The following KCNQ5 variants were observed in gnomAD, a reference collection of about 807,000 sequenced individuals.
The protein encoded by KCNQ5 is potassium voltage-gated channel subfamily Q member 5.
Under a neutral mutation model 98.2 loss-of-function variants are expected in KCNQ5, and 30 were observed. That is an observed-to-expected ratio of 0.31 (90% confidence interval 0.23 to 0.41). The LOEUF is 0.41. KCNQ5 is among the 10% of genes least tolerant of loss of function. KCNQ5 has a pLI of 1.00. For missense variants in KCNQ5, 835 were observed against 1,182.5 expected (o/e 0.71, Z 4.31); for synonymous variants, 458 against 449.4 (o/e 1.02, Z -0.24).
At chr6:72,955,223 G>T (rs1562091247) in intron 1 of KCNQ5, among the ~76,000 whole-genome samples, 1 of 152,114 alleles carries the variant, frequency 6.6e-6, no homozygotes, top group South Asian at 2.1e-4. Flanking sequence ...GAACCTGCTT[G>T]TCCATTCTTA....
intron 1 of KCNQ5, among the ~76,000 whole-genome samples, chr6:72,673,327 C>T (rs1373844256): frequency 6.6e-6 from 1 of 152,126 alleles, no homozygotes; most frequent in Non-Finnish European, 1.5e-5. Flanking sequence ...GAAAGACACA[C>T]CCTAAATATA....
chr6:73,051,447 T>C (rs375262479), intron 3 of KCNQ5, among the ~76,000 whole-genome samples: 4 of 152,050 alleles, frequency 2.6e-5, no homozygotes, highest in African/African-American at 9.7e-5. Context: ...AACAAAGTGG[T>C]TTGGCTGGCA....
At chr6:73,069,325 T>TTTC (rs1773204995) in intron 3 of KCNQ5, among the ~76,000 whole-genome samples, 1 of 152,162 alleles carries the variant, frequency 6.6e-6, no homozygotes, top group African/African-American at 2.4e-5. Context: ...TGTATGGAAT[T>TTTC]TTCGTGTGTT....
At chr6:72,877,396 A>C (rs1174265840) in intron 1 of KCNQ5, among the ~76,000 whole-genome samples, 2 of 151,574 alleles carry the variant, frequency 1.3e-5, no homozygotes, top group African/African-American at 4.9e-5. Flanking sequence ...ACAAGATCTC[A>C]CTCTATTTTA....
chr6:73,110,826 G>A (rs1775214414), intron 6 of KCNQ5, among the ~76,000 whole-genome samples: 1 of 152,136 alleles, frequency 6.6e-6, no homozygotes, highest in African/African-American at 2.4e-5. Context: ...TCTCATCAAA[G>A]TGCTAGAAGT....
At chr6:72,915,833 A>C (rs1180947739) in intron 1 of KCNQ5, among the ~76,000 whole-genome samples, 1 of 152,204 alleles carries the variant, frequency 6.6e-6, no homozygotes, top group African/African-American at 2.4e-5. Flanking sequence ...TTATTTATGT[A>C]AGATCTTGTA....
intron 1 of KCNQ5, chr6:72,987,222 AACAAGAGGAAAGAG>A (rs1768825274): frequency 1.4e-6 from 1 of 692,086 alleles, no homozygotes; most frequent in South Asian, 1.4e-5. Context: ...GAAGAAAAAG[AACAAGAGGAAAGAG>A]AGTGGGGCAG....
rs1338097704 is a variant in KCNQ5, at chr6:72,878,630, G to A, written c.399-125278G>A. On this transcript the variant is annotated intron_variant, in intron 1 of 13. Coordinates refer to ENST00000370398, the MANE Select transcript of KCNQ5 (RefSeq NM_019842.4). ...GGGTGCAGGTCAAATTGTTACTCAT[G>A]AGAAAGAAATGGTGACATTTTCCCA... Among the ~76,000 whole-genome samples the A allele has an allele frequency of 4.6e-5, 7 of 152,270 alleles. No individual in the cohort carries two copies. The South Asian group carries it at 1.2e-3, about 27-fold the overall frequency.
chr6:73,045,162 C>T (rs1771905373), intron 3 of KCNQ5, among the ~76,000 whole-genome samples: 1 of 152,186 alleles, frequency 6.6e-6, no homozygotes, highest in Non-Finnish European at 1.5e-5. Context: ...CTTACCCCTG[C>T]ACTCTAGCCA....
chr6:72,645,972 T>C (rs1344057960), intron 1 of KCNQ5, among the ~76,000 whole-genome samples: 1 of 152,112 alleles, frequency 6.6e-6, no homozygotes, highest in African/African-American at 2.4e-5. Context: ...AGGTACTTCA[T>C]GTGATGTACT....
In KCNQ5 at chr6:72,724,977, C is replaced by T. The variant is rs73756036; in HGVS notation, c.398+102390C>T. On this transcript the variant is annotated intron_variant, in intron 1 of 13. Coordinates refer to ENST00000370398, the MANE Select transcript of KCNQ5 (RefSeq NM_019842.4). ...AAGGGAAACCATATAAACAATTCAA[C>T]ATAATTCTAATAATGTCTTGGTTCA... Among the ~76,000 whole-genome samples the T allele has an allele frequency of 8.1e-3, 1,237 of 152,256 alleles. 19 individuals carry two copies. The highest frequency in any genetic ancestry group is 0.028 in the African/African-American group (1,171 of 41,528).
At chr6:72,928,083 G>A (rs1212362671) in intron 1 of KCNQ5, among the ~76,000 whole-genome samples, 1 of 152,058 alleles carries the variant, frequency 6.6e-6, no homozygotes, top group African/African-American at 2.4e-5. Flanking sequence ...CAACAAAAGT[G>A]TTGTCTCTAT....
chr6:72,886,308 A>T (rs527862255), intron 1 of KCNQ5, among the ~76,000 whole-genome samples: 13 of 152,300 alleles, frequency 8.5e-5, no homozygotes, highest in African/African-American at 3.1e-4. Flanking sequence ...GGAAATTATT[A>T]TGTGTATGTA....
chr6:73,062,573 T>C (rs1390850983), intron 3 of KCNQ5, among the ~76,000 whole-genome samples: 1 of 151,424 alleles, frequency 6.6e-6, no homozygotes, highest in Admixed American at 6.6e-5. Context: ...CATGAGCAAA[T>C]AGAGAAAAAA....
In KCNQ5 at chr6:72,838,949, C is replaced by CAAAA. The variant is rs67894922; in HGVS notation, c.399-164939_399-164936dup. ...TGGGCGACAGAGCGAGACTCCGTCT[C>CAAAA]AAAAAAAAAAAAAAAAAAAAAAAGA... On this transcript the variant is annotated intron_variant, in intron 1 of 13. Coordinates refer to ENST00000370398, the MANE Select transcript of KCNQ5 (RefSeq NM_019842.4). Among the ~76,000 whole-genome samples the CAAAA allele has an allele frequency of 2.6e-4, 15 of 58,696 alleles. 1 individual carries two copies. The highest frequency in any genetic ancestry group is 3.8e-4 in the African/African-American group (6 of 15,996). The allele number at this position is 58,696 out of a possible 152,430, so 38.5% of individuals were successfully genotyped here.
chr6:73,074,741 A>G (rs978105919), intron 3 of KCNQ5, among the ~76,000 whole-genome samples: 2 of 110,598 alleles, frequency 1.8e-5, no homozygotes, highest in Non-Finnish European at 3.6e-5. Context: ...AGGATTAAAT[A>G]AGGTAATGTT....
At chr6:72,799,640 A>G (rs1196082349) in intron 1 of KCNQ5, among the ~76,000 whole-genome samples, 4 of 152,318 alleles carry the variant, frequency 2.6e-5, no homozygotes, top group Non-Finnish European at 5.9e-5. Context: ...TTTGAGATCA[A>G]ACACGGAGGT....
At chr6:72,687,222 C>T (rs1051071341) in intron 1 of KCNQ5, among the ~76,000 whole-genome samples, 6 of 152,218 alleles carry the variant, frequency 3.9e-5, no homozygotes, top group Non-Finnish European at 7.3e-5. Flanking sequence ...GCTCTCTGCT[C>T]TGTTTCCACT....
At chr6:73,178,983 T>C (rs961271151) in intron 11 of KCNQ5, among the ~76,000 whole-genome samples, 1 of 152,176 alleles carries the variant, frequency 6.6e-6, no homozygotes, top group Non-Finnish European at 1.5e-5. Flanking sequence ...GTGATCAATT[T>C]CGAGTGAGGG....
Sources: gnomAD v4.1 joint callset for allele counts (sites outside exome capture counted in the v4.1 genomes callset) on GRCh38, gnomAD v4.1.1 for gene constraint, MANE v1.5 for transcripts, NCBI Gene and HGNC (gene_info 2026-07-23, HGNC 2026-07-21) for gene names.